Variants in MSLN observed in about 807,000 individuals in gnomAD.
MSLN encodes mesothelin.
In MSLN, 82 loss-of-function variants were observed where a neutral mutation model predicts 72.6. The observed-to-expected ratio is 1.13, with a 90% confidence interval of 0.94 to 1.36. The LOEUF (loss-of-function observed/expected upper bound fraction) is 1.36, where lower values mean the gene tolerates loss of function less well. Among genes scored for constraint, MSLN ranks in the 40% most tolerant of loss-of-function variants. The pLI is 0.00. For missense variants in MSLN, 1,005 were observed against 847.9 expected (o/e 1.19, Z -2.30); for synonymous variants, 456 against 387.3 (o/e 1.18, Z -2.08).
At position 764,052 on chromosome 16, in the gene MSLN, C is replaced by T. The variant is rs566910560; in HGVS notation, c.209C>T (p.Pro70Leu). ...SLSPRQLLGF[P>L]CAEVSGLSTE... ...TCCCCTCGCCAACTCCTTGGCTTCC[C>T]GTGTGCGGAGGTGTCCGGCCTGAGC... The change falls in exon 6 of 18, where the codon CCG (proline) becomes CTG (leucine). Residue 70 changes from proline to leucine, a missense_variant. By Grantham distance (98) the Pro-to-Leu change is moderately conservative. Coordinates refer to ENST00000545450, the MANE Select transcript of MSLN (RefSeq NM_005823.6). 7.5e-6 allele frequency: 12 copies of T among 1,604,282 alleles called. No individual in the cohort carries two copies. The highest frequency in any genetic ancestry group is 1.7e-4 in the Middle Eastern group (1 of 6,020).
At chr16:762,325 G>C (rs2151613243) in intron 2 of MSLN, among the ~76,000 whole-genome samples, 1 of 152,358 alleles carries the variant, frequency 6.6e-6, no homozygotes, top group Non-Finnish European at 1.5e-5. Flanking sequence ...GCGAGAGTGG[G>C]GAGACTCAGG....
chr16:763,238 G>A lies in MSLN; in HGVS notation c.91G>A (p.Val31Met). ...LLFLLFSLGWVQPSRTLAGET... is the reference protein window; with the variant it reads ...LLFLLFSLGWMQPSRTLAGET... ...TGTCCCCTCTGCCCCTTTAGGATGG[G>A]TGCAGCCCTCGAGGACCCTGGCTGG... The change falls in exon 4 of 18, where the codon GTG becomes ATG. Residue 31 changes from valine (V) to methionine (M), a missense_variant. Coordinates refer to ENST00000545450, the MANE Select transcript of MSLN (RefSeq NM_005823.6). The A allele has an allele frequency of 6.5e-7, 1 of 1,541,816 alleles. No homozygotes were observed. The highest frequency in any genetic ancestry group is 1.2e-5 in the South Asian group (1 of 82,806).
Position 764,229 on chromosome 16 carries a change from C to G in MSLN, c.300+86C>G, listed in dbSNP as rs1006551916. ...CTCTGCAGTGCCCACCTTGCCACCACGGTCCCCTCTGTCCCTGCTGCCATC... is the reference window on the plus strand; with the variant it reads ...CTCTGCAGTGCCCACCTTGCCACCAGGGTCCCCTCTGTCCCTGCTGCCATC... On this transcript the variant is annotated intron_variant, in intron 6 of 17. Coordinates refer to ENST00000545450, the MANE Select transcript of MSLN (RefSeq NM_005823.6). 5 of 1,499,250 alleles carry G rather than the reference C, an allele frequency of 3.3e-6. No homozygotes were observed. In the Admixed American group the frequency reaches 5.7e-5, roughly 17 times the overall value. 92.9% of individuals were successfully genotyped at this position (1,499,250 alleles called of 1,614,324 possible).
chr16:765,896 C>A, intron 11 of MSLN, 106 bp downstream of exon 11: 1 of 1,339,168 alleles, frequency 7.5e-7, no homozygotes, highest in South Asian at 1.3e-5. Context: ...GCAGCACATC[C>A]CATTATAATC....
intron 12 of MSLN, 37 bp downstream of exon 12, chr16:766,274 T>C: frequency 6.2e-7 from 1 of 1,609,898 alleles, no homozygotes; most frequent in Non-Finnish European, 8.5e-7. Flanking sequence ...GCCTGCTGTG[T>C]CCAAGCCATC....
intron 4 of MSLN, 124 bp from the exon 5 acceptor site, chr16:763,518 A>T: frequency 9.8e-7 from 1 of 1,025,200 alleles, no homozygotes; most frequent in Middle Eastern, 2.1e-4. Context: ...CATGGGTCTG[A>T]GACACAGCCA....
Position 766,813 on chromosome 16 carries a change from G to A in MSLN, c.1373+3G>A, listed in dbSNP as rs374777340. 1 of 1,612,328 alleles carries A rather than the reference G, an allele frequency of 6.2e-7. No homozygotes were observed. Among genetic ancestry groups the A allele is most frequent in the Non-Finnish European group, 8.5e-7 (1 of 1,179,882 alleles). On this transcript the variant is annotated splice_donor_region_variant and intron_variant, in intron 14 of 17. Coordinates refer to ENST00000545450, the MANE Select transcript of MSLN (RefSeq NM_005823.6). Reference sequence around the variant, plus strand: ...TCCGTGCCCCCCAGCAGCATCTGGTGAGTCCCCAGAACTCTGCCCGGCAAG... The same window carrying A: ...TCCGTGCCCCCCAGCAGCATCTGGTAAGTCCCCAGAACTCTGCCCGGCAAG...
At chr16:765,639 C>A (rs1201539904) in intron 10 of MSLN, 22 bp downstream of exon 10, 1 of 1,598,224 alleles carries the variant, frequency 6.3e-7, no homozygotes, top group African/African-American at 1.3e-5. Context: ...ATCCCCAGCC[C>A]GTGGGGATGC....
intron 6 of MSLN, 79 bp from the exon 7 acceptor site, chr16:764,568 G>C (rs2041578445): frequency 3.3e-6 from 4 of 1,194,978 alleles, no homozygotes; most frequent in Non-Finnish European, 5.0e-6. Context: ...GTTGTGGTGG[G>C]CAGACTGGCC....
chr16:762,547 A>C, intron 2 of MSLN, 125 bp from the exon 3 acceptor site: 1 of 721,404 alleles, frequency 1.4e-6, no homozygotes, highest in Non-Finnish European at 2.4e-6. Context: ...TGCGGACACA[A>C]GCTGCAGGTA....
intron 14 of MSLN, 27 bp downstream of exon 14, chr16:766,837 A>T: frequency 1.9e-6 from 3 of 1,612,328 alleles, no homozygotes; most frequent in Non-Finnish European, 2.5e-6. Flanking sequence ...CTGCCCGGCA[A>T]GGTGGGTCCG....
intron 13 of MSLN, 49 bp from the exon 14 acceptor site, chr16:766,619 G>A (rs1234757660): frequency 1.9e-6 from 3 of 1,611,176 alleles, no homozygotes; most frequent in East Asian, 2.2e-5. Context: ...TGGTGGTGGA[G>A]GGATACATCT....
rs201466189 is a variant in MSLN at position 768,456 on chromosome 16, G to C, written c.1674G>C (p.Pro558=). ...EGLKAEERHR[P]VRDWILRQRQ... ...TGAAGGCGGAGGAGCGGCACCGCCCGGTGCGGGACTGGATCCTACGGCAGC... is the reference window on the plus strand; with the variant it reads ...TGAAGGCGGAGGAGCGGCACCGCCCCGTGCGGGACTGGATCCTACGGCAGC... The change falls in exon 17 of 18, where the codon CCG becomes CCC. Residue 558 remains proline, a synonymous_variant. Transcript: ENST00000545450. The C allele has an allele frequency of 1.7e-4, 268 of 1,542,624 alleles. 2 individuals carry two copies. The highest frequency in any genetic ancestry group is 8.3e-4 in the Admixed American group (43 of 51,930).
In MSLN at chr16:765,182, C is replaced by T. The variant is rs371487653; in HGVS notation, c.583C>T (p.Arg195Cys). The change falls in exon 9 of 18, where the codon CGC becomes TGC. Residue 195 changes from arginine (R) to cysteine (C), a missense_variant. By Grantham distance (180) the Arg-to-Cys change is radical. Transcript: ENST00000545450. ...AGGCCTGGCTTGCGACCTGCCTGGGCGCTTTGTGGCCGAGTCGGCCGAAGT... is the reference window on the plus strand; with the variant it reads ...AGGCCTGGCTTGCGACCTGCCTGGGTGCTTTGTGGCCGAGTCGGCCGAAGT... ...LGGLACDLPG[R>C]FVAESAEVLL... The T allele has an allele frequency of 1.0e-5, 16 of 1,598,670 alleles. No individual in the cohort carries two copies. Among genetic ancestry groups the T allele is most frequent in the East Asian group, 4.5e-5 (2 of 44,718 alleles).
At chr16:761,302 C>T (rs2041533739) in intron 2 of MSLN, 128 bp downstream of exon 2, 1 of 152,362 alleles carries the variant, frequency 6.6e-6, no homozygotes, top group Non-Finnish European at 1.5e-5. Flanking sequence ...CAGCTGGACG[C>T]AGATTTCACC....
intron 13 of MSLN, 24 bp downstream of exon 13, chr16:766,514 T>A (rs370909284): frequency 2.4e-4 from 381 of 1,612,088 alleles, no homozygotes; most frequent in Non-Finnish European, 2.9e-4. Flanking sequence ...TCGGGGGTCA[T>A]GTGGCATGAG....
rs979712669 is a variant in MSLN, at chr16:765,445, C to G, written c.705-82C>G. 4.1e-5 allele frequency: 59 copies of G among 1,444,574 alleles called. No homozygotes were observed. In the Admixed American group the frequency reaches 1.2e-3, roughly 30 times the overall value. 89.5% of individuals were successfully genotyped at this position (1,444,574 alleles called of 1,614,324 possible). A position where few individuals can be genotyped will look rare whatever the true frequency, so the allele number is the denominator to read the frequency against. The stretch of plus-strand genomic sequence containing the variant: ...GCCAATGCCCCCAGCGTCCCCTCCA[C>G]AGCCAGGGGGTACGGCCTGGCCTCT... On this transcript the variant is annotated intron_variant, in intron 9 of 17. Coordinates refer to ENST00000545450, the MANE Select transcript of MSLN (RefSeq NM_005823.6).
At chr16:766,305 C>T in intron 12 of MSLN, 30 bp from the exon 13 acceptor site, 4 of 1,611,824 alleles carry the variant, frequency 2.5e-6, no homozygotes, top group Non-Finnish European at 3.4e-6. Flanking sequence ...CTGGGAGTGA[C>T]ATGGGCCCTC....
Position 766,933 on chromosome 16 carries a change from C to T in MSLN, c.1422C>T (p.Asp474=), listed in dbSNP as rs200796355. ...DLDTCDPRQL[D]VLYPKARLAF... is the part of the protein sequence containing the mutation. ...ACACGTGTGACCCAAGGCAGCTGGACGTCCTCTATCCCAAGGCCCGCCTTG... is the reference window on the plus strand; with the variant it reads ...ACACGTGTGACCCAAGGCAGCTGGATGTCCTCTATCCCAAGGCCCGCCTTG... The change falls in exon 15 of 18, where the codon GAC becomes GAT. Residue 474 remains aspartate, a synonymous_variant. Coordinates refer to ENST00000545450, the MANE Select transcript of MSLN (RefSeq NM_005823.6). 107 of 1,612,680 alleles carry T rather than the reference C, an allele frequency of 6.6e-5. No homozygotes were observed. The highest frequency in any genetic ancestry group is 5.1e-4 in the East Asian group (23 of 44,882).
Sources: allele counts gnomAD v4.1 joint callset (sites outside exome capture counted in the v4.1 genomes callset), GRCh38; gene constraint gnomAD v4.1.1; transcripts MANE v1.5; gene names NCBI Gene and HGNC (gene_info 2026-07-23, HGNC 2026-07-21).